The following KIF13B variants were observed in gnomAD, a reference collection of about 807,000 sequenced individuals.
The protein encoded by KIF13B is kinesin-like protein KIF13B.
In KIF13B, 127 loss-of-function variants were observed where a neutral mutation model predicts 222.0. The ratio of observed to expected loss-of-function variants is 0.57; its 90% CI spans 0.50 to 0.66. The LOEUF (loss-of-function observed/expected upper bound fraction) is 0.66, where lower values mean the gene tolerates loss of function less well. Ranked by LOEUF, KIF13B falls within the 30% of genes least tolerant of loss-of-function variation. The pLI is 0.00. For synonymous variants in KIF13B, 976 were observed against 919.0 expected, an observed-to-expected ratio of 1.06 and a Z score of -1.12; for missense variants, 2,173 against 2,379.0, an observed-to-expected ratio of 0.91 and a Z score of 1.80.
intron 2 of KIF13B, among the ~76,000 whole-genome samples, chr8:29,209,175 G>C (rs1814092862): frequency 1.3e-5 from 2 of 152,164 alleles, no homozygotes; most frequent in Admixed American, 6.5e-5. Flanking sequence ...CTGAAAAAAG[G>C]AACTGCCAGA....
At chr8:29,166,042 T>C (rs560744595) in intron 11 of KIF13B, among the ~76,000 whole-genome samples, 3 of 151,962 alleles carry the variant, frequency 2.0e-5, no homozygotes, top group Non-Finnish European at 4.4e-5. Flanking sequence ...GATGCAAAAA[T>C]GTAAAGCTTC....
intron 2 of KIF13B, among the ~76,000 whole-genome samples, chr8:29,243,983 G>A (rs1004474660): frequency 1.3e-5 from 2 of 152,094 alleles, no homozygotes; most frequent in African/African-American, 2.4e-5. Flanking sequence ...TGAAGGATTC[G>A]ATTTCAGATT....
At chr8:29,217,007 A>G (rs1382223739) in intron 2 of KIF13B, among the ~76,000 whole-genome samples, 1 of 152,224 alleles carries the variant, frequency 6.6e-6, no homozygotes, top group East Asian at 1.9e-4. Flanking sequence ...GTGTTAGGGA[A>G]AGAATACTTA....
intron 37 of KIF13B, among the ~76,000 whole-genome samples, chr8:29,080,826 G>T (rs1807776569): frequency 6.6e-6 from 1 of 152,136 alleles, no homozygotes; most frequent in Non-Finnish European, 1.5e-5. Flanking sequence ...CCTCCAAGCA[G>T]TGCCTCGAAG....
At chr8:29,205,343 C>T (rs2130440558) in intron 2 of KIF13B, among the ~76,000 whole-genome samples, 1 of 152,264 alleles carries the variant, frequency 6.6e-6, no homozygotes, top group South Asian at 2.1e-4. Context: ...GGCTTAAGTT[C>T]CCACACAGCA....
In KIF13B at chr8:29,259,796, C is replaced by T. The variant is rs539209836; in HGVS notation, c.55+3184G>A. Among the ~76,000 whole-genome samples the T allele has an allele frequency of 6.9e-4, 105 of 152,262 alleles. 1 individual carries two copies. The highest frequency in any genetic ancestry group is 2.5e-3 in the African/African-American group (104 of 41,544). ...CTGTTTAGCTGTACAGTCTGAACAA[C>T]AACACTGGAAAACAAACGATATCTG... On this transcript the variant is annotated intron_variant, in intron 1 of 39. Coordinates refer to ENST00000524189, the MANE Select transcript of KIF13B (RefSeq NM_015254.4).
chr8:29,212,075 T>C (rs984607465), intron 2 of KIF13B, among the ~76,000 whole-genome samples: 13 of 152,328 alleles, frequency 8.5e-5, no homozygotes, highest in African/African-American at 3.1e-4. Flanking sequence ...GTTTATCCAT[T>C]TACCAGTTGA....
At chr8:29,149,360 C>T (rs1466579350) in intron 15 of KIF13B, among the ~76,000 whole-genome samples, 1 of 152,216 alleles carries the variant, frequency 6.6e-6, no homozygotes, top group African/African-American at 2.4e-5. Flanking sequence ...TGGCCCATGG[C>T]AAAGGATCTC....
chr8:29,204,352 T>C (rs779301207), intron 2 of KIF13B, among the ~76,000 whole-genome samples: 7 of 152,214 alleles, frequency 4.6e-5, no homozygotes, highest in Non-Finnish European at 7.3e-5. Flanking sequence ...AAATCACTTG[T>C]CTTTTCTCAT....
chr8:29,195,966 G>T (rs1167091604), intron 3 of KIF13B, among the ~76,000 whole-genome samples: 1 of 152,254 alleles, frequency 6.6e-6, no homozygotes, highest in African/African-American at 2.4e-5. Flanking sequence ...GCTGCTAGGA[G>T]ACCAGCCAGA....
intron 37 of KIF13B, among the ~76,000 whole-genome samples, chr8:29,086,142 T>C (rs1808041727): frequency 6.6e-6 from 1 of 152,022 alleles, no homozygotes; most frequent in African/African-American, 2.4e-5. Context: ...GGTCACTGCA[T>C]TTCTAGTAGT....
chr8:29,184,830 C>A (rs938185334), intron 6 of KIF13B, among the ~76,000 whole-genome samples: 1 of 151,678 alleles, frequency 6.6e-6, no homozygotes, highest in African/African-American at 2.4e-5. Context: ...ATGATCTTTG[C>A]GAGGTCAAAG....
chr8:29,155,646 A>G (rs1811486484), intron 14 of KIF13B, 80 bp downstream of exon 14: 4 of 1,298,866 alleles, frequency 3.1e-6, no homozygotes, highest in Admixed American at 2.0e-5. Flanking sequence ...CTTAAAAGCA[A>G]CAAAGGCCAC....
chr8:29,185,196 G>A (rs1308305360), intron 6 of KIF13B, among the ~76,000 whole-genome samples: 2 of 151,926 alleles, frequency 1.3e-5, no homozygotes, highest in African/African-American at 2.4e-5. Context: ...GGGAGAGGTT[G>A]TTCCCTACAC....
intron 7 of KIF13B, 33 bp from the exon 8 acceptor site, chr8:29,180,271 A>G: frequency 6.2e-7 from 1 of 1,611,820 alleles, no homozygotes; most frequent in Non-Finnish European, 8.5e-7. Context: ...CCCACGTTTC[A>G]TTACTTGTGT....
intron 19 of KIF13B, among the ~76,000 whole-genome samples, chr8:29,141,044 C>T (rs530395999): frequency 1.3e-5 from 2 of 152,280 alleles, no homozygotes; most frequent in Admixed American, 1.3e-4. Flanking sequence ...TCAGATAAAA[C>T]TGCTGCTAAT....
At position 29,131,284 on chromosome 8, in the gene KIF13B, C is replaced by G. The variant is rs755713874; in HGVS notation, c.2943-619G>C. ...CAAAGCTCAGCATCACACAATATAC[C>G]CAGGTAAACAACCTGCACATGTACC... On this transcript the variant is annotated intron_variant, in intron 23 of 39. Transcript: ENST00000524189. 4.5e-4 allele frequency among the ~76,000 whole-genome samples: 68 copies of G among 151,530 alleles called. No individual in the cohort carries two copies. In the Middle Eastern group the frequency reaches 0.017, roughly 38 times the overall value.
Position 29,113,514 on chromosome 8 carries a change from A to T in KIF13B, c.3879T>A (p.Ser1293Arg). ...AAGTCACTCCACAGCCAGGAATAGA[A>T]CTTCGATGAGACATCTTTTTTAGGA... ...QSLLKKMSHR[S>R]SIPGCGVTFE... Residue 1293 changes from serine to arginine, a missense_variant, in exon 32 of 40, where the codon AGT (serine) becomes AGA (arginine). Physicochemically the swap from Ser to Arg is moderately radical, Grantham distance 110. Around this residue, in one of 2 missense-constraint regions of KIF13B, gnomAD observed 1,480 missense variants for 1,722.8 expected, o/e 0.86. Coordinates refer to ENST00000524189, the MANE Select transcript of KIF13B (RefSeq NM_015254.4). 6.3e-7 allele frequency: 1 copy of T among 1,594,424 alleles called. No homozygotes were observed.
chr8:29,113,755 A>T (rs1441127554), intron 31 of KIF13B, among the ~76,000 whole-genome samples, 200 bp from the exon 32 acceptor site: 1 of 152,248 alleles, frequency 6.6e-6, no homozygotes, highest in African/African-American at 2.4e-5. Flanking sequence ...GATGCCCACC[A>T]TGTATGACAG....
Sources: gnomAD v4.1 joint callset for allele counts (sites outside exome capture counted in the v4.1 genomes callset) on GRCh38, gnomAD v4.1.1 for gene constraint, gnomAD v4.1.1 regional missense constraint, MANE v1.5 for transcripts, NCBI Gene and HGNC (gene_info 2026-07-23, HGNC 2026-07-21) for gene names.